Variants in LRRN2 observed in about 807,000 individuals in gnomAD.
LRRN2 encodes the protein leucine-rich repeat neuronal protein 2.
A neutral mutation model predicts 35.7 loss-of-function variants in LRRN2; 10 were observed. That is an observed-to-expected ratio of 0.28 (90% CI 0.17 to 0.47). LRRN2 has a LOEUF of 0.47. Ranked by LOEUF, LRRN2 falls within the 20% of genes least tolerant of loss-of-function variation. The pLI is 0.99. For missense variants in LRRN2, 731 were observed against 940.3 expected (o/e 0.78, Z 2.91); for synonymous variants, 391 against 409.6 (o/e 0.95, Z 0.55).
At chr1:204,654,751 A>T (rs1030966046) in intron 1 of LRRN2, among the ~76,000 whole-genome samples, 1 of 152,224 alleles carries the variant, frequency 6.6e-6, no homozygotes, top group African/African-American at 2.4e-5. Flanking sequence ...GCGTGCTGGA[A>T]CCAGCTTGCC....
At chr1:204,668,803 G>A (rs1668643369) in intron 1 of LRRN2, among the ~76,000 whole-genome samples, 1 of 152,198 alleles carries the variant, frequency 6.6e-6, no homozygotes, top group Non-Finnish European at 1.5e-5. Flanking sequence ...ATATGTGAAA[G>A]AGTTTTGTAG....
At chr1:204,680,754 G>A (rs576762847) in intron 1 of LRRN2, among the ~76,000 whole-genome samples, 55 of 152,274 alleles carry the variant, frequency 3.6e-4, no homozygotes, top group Non-Finnish European at 5.4e-4. Flanking sequence ...ACGTGTCAGC[G>A]GTGATGGTGA....
chr1:204,681,131 A>AT (rs777949393), intron 1 of LRRN2, among the ~76,000 whole-genome samples: 2 of 151,940 alleles, frequency 1.3e-5, no homozygotes, highest in Non-Finnish European at 2.9e-5. Context: ...TAATCTTTGT[A>AT]TTTTTAGCAG....
At chr1:204,638,974 C>T (rs898363614) in intron 1 of LRRN2, among the ~76,000 whole-genome samples, 3 of 152,242 alleles carry the variant, frequency 2.0e-5, no homozygotes, top group Admixed American at 6.5e-5. Context: ...AGATGGCCAT[C>T]GCCTGGCAGG....
chr1:204,674,594 G>A lies in LRRN2; in HGVS notation c.-227+10726C>T, dbSNP rs887400204. On this transcript the variant is annotated intron_variant, in intron 1 of 1. Transcript: ENST00000367177. Reference sequence around the variant, plus strand: ...CTCTCCCTTCCCTCCCACAGCCCTGGGTCCTGCCCACCTGCAGCTTGTTAT... The same window carrying A: ...CTCTCCCTTCCCTCCCACAGCCCTGAGTCCTGCCCACCTGCAGCTTGTTAT... 7.9e-5 allele frequency among the ~76,000 whole-genome samples: 12 copies of A among 152,138 alleles called. 1 individual carries two copies. Among genetic ancestry groups the A allele is most frequent in the Non-Finnish European group, 1.6e-4 (11 of 68,032 alleles).
Position 204,619,682 on chromosome 1 carries a change from C to G in LRRN2, c.311G>C (p.Ser104Thr), listed in dbSNP as rs775028232. The G allele has an allele frequency of 1.9e-6, 3 of 1,614,238 alleles. No homozygotes were observed. In the East Asian group the frequency reaches 6.7e-5, roughly 36 times the overall value. ...NLTELDLSQNSFSDARDCDFH... is the reference protein window; with the variant it reads ...NLTELDLSQNTFSDARDCDFH... ...ATCACAGTCTCGGGCATCCGAAAAG[C>G]TGTTCTGGGACAGGTCCAGCTCTGT... The change falls in exon 2 of 2, where the codon AGC (serine) becomes ACC (threonine). Residue 104 changes from serine to threonine, a missense_variant. This residue lies in a region of LRRN2 where 246 missense variants were observed against 289.5 expected (regional missense o/e 0.85). Transcript: ENST00000367177.
chr1:204,662,412 T>C (rs1235808432), intron 1 of LRRN2, among the ~76,000 whole-genome samples: 3 of 152,210 alleles, frequency 2.0e-5, no homozygotes, highest in Admixed American at 6.5e-5. Flanking sequence ...AATTTACTTA[T>C]GTCAACTTTA....
At chr1:204,654,154 G>A (rs1668294470) in intron 1 of LRRN2, among the ~76,000 whole-genome samples, 1 of 152,082 alleles carries the variant, frequency 6.6e-6, no homozygotes, top group South Asian at 2.1e-4. Context: ...AACCACTGAG[G>A]AAGATTGTCC....
At chr1:204,676,468 T>C (rs1393071437) in intron 1 of LRRN2, among the ~76,000 whole-genome samples, 1 of 152,070 alleles carries the variant, frequency 6.6e-6, no homozygotes, top group Non-Finnish European at 1.5e-5. Context: ...CTGGGGGAGA[T>C]GATGGCCTCT....
At chr1:204,663,515 T>C (rs1347705755) in intron 1 of LRRN2, among the ~76,000 whole-genome samples, 4 of 152,160 alleles carry the variant, frequency 2.6e-5, no homozygotes, top group Non-Finnish European at 5.9e-5. Context: ...GATCCTTCAC[T>C]TGGTGGCTTC....
At chr1:204,630,578 C>A (rs1431297319) in intron 1 of LRRN2, among the ~76,000 whole-genome samples, 1 of 151,996 alleles carries the variant, frequency 6.6e-6, no homozygotes, top group Admixed American at 6.5e-5. Flanking sequence ...TGTCAGCTGT[C>A]CAGGCAGCCC....
intron 1 of LRRN2, among the ~76,000 whole-genome samples, chr1:204,660,938 C>A (rs543592761): frequency 2.0e-5 from 3 of 152,300 alleles, no homozygotes; most frequent in Non-Finnish European, 4.4e-5. Flanking sequence ...AGGTCCTCCA[C>A]AGCAGCATTG....
At chr1:204,685,157 G>A (rs1045324352) in intron 1 of LRRN2, among the ~76,000 whole-genome samples, 163 bp downstream of exon 1, 23 of 152,218 alleles carry the variant, frequency 1.5e-4, no homozygotes, top group African/African-American at 4.8e-4. Flanking sequence ...GCCCCCACCC[G>A]GGTCAGGCGG....
At chr1:204,621,401 C>G (rs568096181) in intron 1 of LRRN2, 1 of 167,402 alleles carries the variant, frequency 6.0e-6, no homozygotes, top group Non-Finnish European at 1.5e-5. Context: ...AGTTCAGTCA[C>G]CACCTGCAGA....
intron 1 of LRRN2, chr1:204,626,838 TATC>T (rs1456987507): frequency 1.3e-5 from 2 of 152,150 alleles, no homozygotes; most frequent in African/African-American, 2.4e-5. Context: ...GAATAGAAAA[TATC>T]ATACTGCATT....
chr1:204,633,751 G>A (rs1194370416), intron 1 of LRRN2, among the ~76,000 whole-genome samples: 6 of 152,162 alleles, frequency 3.9e-5, no homozygotes, highest in African/African-American at 1.4e-4. Context: ...TCCAGTCCCC[G>A]CTGCCCAGCT....
intron 1 of LRRN2, among the ~76,000 whole-genome samples, chr1:204,657,970 CT>C (rs56792483): frequency 9.9e-3 from 748 of 75,262 alleles, no homozygotes; most frequent in African/African-American, 0.036. Context: ...GCCAATGGTT[CT>C]TTTTTTTTTT....
At chr1:204,624,055 C>A (rs573685453) in intron 1 of LRRN2, among the ~76,000 whole-genome samples, 1 of 152,322 alleles carries the variant, frequency 6.6e-6, no homozygotes, top group African/African-American at 2.4e-5. Context: ...TCCTGCCTCA[C>A]CAGCCCAGCC....
chr1:204,676,772 G>T (rs1668834169), intron 1 of LRRN2, among the ~76,000 whole-genome samples: 1 of 152,088 alleles, frequency 6.6e-6, no homozygotes, highest in Admixed American at 6.5e-5. Flanking sequence ...AGTGGCCCTG[G>T]GGAAATTGAG....
Sources: allele counts gnomAD v4.1 joint callset (sites outside exome capture counted in the v4.1 genomes callset), GRCh38; gene constraint gnomAD v4.1.1; regional missense constraint gnomAD v4.1.1; transcripts MANE v1.5; gene names NCBI Gene and HGNC (gene_info 2026-07-23, HGNC 2026-07-21).